The following SGK1 variants were observed in gnomAD, a reference collection of about 807,000 sequenced individuals.
The protein encoded by SGK1 is serum/glucocorticoid regulated kinase 1, also known as serine/threonine-protein kinase Sgk1.
Under a neutral mutation model 64.2 loss-of-function variants are expected in SGK1, and 26 were observed. That is an observed-to-expected ratio of 0.40 (90% CI 0.30 to 0.56). The LOEUF (loss-of-function observed/expected upper bound fraction) is 0.56, where lower values mean the gene tolerates loss of function less well. Among genes scored for constraint, SGK1 ranks in the 20% least tolerant of loss-of-function variants. The pLI is 0.38. For missense variants in SGK1, 519 were observed against 645.6 expected, an observed-to-expected ratio of 0.80 and a Z score of 2.12; for synonymous variants, 265 against 239.7, an observed-to-expected ratio of 1.11 and a Z score of -0.98.
chr6:134,228,841 CTTTTTTTTTT>C (rs754300980), intron 2 of SGK1, among the ~76,000 whole-genome samples: 6 of 129,960 alleles, frequency 4.6e-5, no homozygotes, highest in Admixed American at 4.1e-4. Flanking sequence ...TGTAGTTGTT[CTTTTTTTTTT>C]TTTTTTTTTT....
intron 3 of SGK1, among the ~76,000 whole-genome samples, chr6:134,204,217 G>T (rs1775730373): frequency 7.3e-6 from 1 of 136,060 alleles, no homozygotes. Context: ...GACCAACTAG[G>T]CAAAAAATAA....
At chr6:134,201,111 A>C (rs1289557141) in intron 3 of SGK1, among the ~76,000 whole-genome samples, 1 of 141,714 alleles carries the variant, frequency 7.1e-6, no homozygotes, top group Non-Finnish European at 1.5e-5. Flanking sequence ...CCCAGGCTGG[A>C]GTGCAGTGGC....
At chr6:134,301,777 G>A (rs1004157584) in intron 1 of SGK1, among the ~76,000 whole-genome samples, 12 of 151,844 alleles carry the variant, frequency 7.9e-5, no homozygotes, top group Non-Finnish European at 1.2e-4. Flanking sequence ...ATTATTTCCT[G>A]GAGACCTGAG....
rs565457620 is a variant in SGK1 at position 134,181,933 on chromosome 6, C to T, written c.362-7347G>A. Among the ~76,000 whole-genome samples the T allele has an allele frequency of 1.8e-3, 278 of 152,206 alleles. 1 individual carries two copies. The highest frequency in any genetic ancestry group is 6.4e-3 in the African/African-American group (267 of 41,532). ...AGTGCAGTGGCGCAATCTTGGCTTA[C>T]TGCAACCTCCGCCTCCCAGGTTCAA... On this transcript the variant is annotated intron_variant, in intron 3 of 13. Transcript: ENST00000367858.
chr6:134,267,826 C>A (rs1776876604), intron 1 of SGK1, among the ~76,000 whole-genome samples: 1 of 152,084 alleles, frequency 6.6e-6, no homozygotes, highest in South Asian at 2.1e-4. Context: ...GTGTTACTTA[C>A]AAAAATGAAT....
At chr6:134,293,360 A>G (rs895364851) in intron 1 of SGK1, among the ~76,000 whole-genome samples, 1 of 152,206 alleles carries the variant, frequency 6.6e-6, no homozygotes, top group Admixed American at 6.5e-5. Context: ...AGAGAGTTAG[A>G]TCAGTGTTTA....
At chr6:134,181,377 C>T (rs748214666) in intron 3 of SGK1, among the ~76,000 whole-genome samples, 6 of 152,130 alleles carry the variant, frequency 3.9e-5, no homozygotes, top group Non-Finnish European at 5.9e-5. Flanking sequence ...AGGAGTCTTA[C>T]TCTGTCGCCC....
chr6:134,170,989 G>C (rs775403686), intron 12 of SGK1, 34 bp downstream of exon 12: 7 of 1,608,786 alleles, frequency 4.4e-6, no homozygotes, highest in Non-Finnish European at 5.9e-6. Flanking sequence ...TGCACGTCCC[G>C]GCCGGCCCAG....
At chr6:134,177,722 G>C in intron 3 of SGK1, 1 of 1,613,960 alleles carries the variant, frequency 6.2e-7, no homozygotes, top group African/African-American at 1.3e-5. Context: ...AGGATATGCA[G>C]GTTGGGGATT....
chr6:134,310,475 C>A (rs373520986), intron 1 of SGK1, among the ~76,000 whole-genome samples: 5 of 152,370 alleles, frequency 3.3e-5, no homozygotes, highest in Admixed American at 6.5e-5. Context: ...CCGTCTTACT[C>A]ACACTCTGTG....
intron 1 of SGK1, among the ~76,000 whole-genome samples, chr6:134,285,180 T>G (rs1777162182): frequency 6.6e-6 from 1 of 152,072 alleles, no homozygotes; most frequent in African/African-American, 2.4e-5. Flanking sequence ...CCCTTTTGGC[T>G]GGGCTCGGTG....
At chr6:134,173,863 T>G in intron 5 of SGK1, 142 bp downstream of exon 5, 1 of 662,688 alleles carries the variant, frequency 1.5e-6, no homozygotes, top group South Asian at 2.0e-5. Context: ...TACTTAAATA[T>G]TTATATCACT....
chr6:134,217,588 A>G (rs912956207), intron 2 of SGK1, among the ~76,000 whole-genome samples: 1 of 152,148 alleles, frequency 6.6e-6, no homozygotes, highest in Non-Finnish European at 1.5e-5. Flanking sequence ...ATCTCACTAC[A>G]GCAAACATGC....
At chr6:134,225,516 T>C (rs756111027) in intron 2 of SGK1, among the ~76,000 whole-genome samples, 7 of 152,152 alleles carry the variant, frequency 4.6e-5, no homozygotes, top group Non-Finnish European at 1.0e-4. Context: ...TGCAATCTGC[T>C]ATTGAGGTTT....
intron 10 of SGK1, 74 bp from the exon 11 acceptor site, chr6:134,171,806 G>T: frequency 1.0e-6 from 1 of 983,516 alleles, no homozygotes; most frequent in South Asian, 1.4e-5. Flanking sequence ...CATTTAGTTT[G>T]AAAAAGCTGA....
intron 2 of SGK1, among the ~76,000 whole-genome samples, chr6:134,235,539 A>ATTTT (rs67467396): frequency 8.3e-5 from 11 of 131,782 alleles, no homozygotes; most frequent in Non-Finnish European, 1.7e-4. Flanking sequence ...AAAAATAGAT[A>ATTTT]TTTTTATTTA....
chr6:134,191,814 A>G (rs1775515596), intron 3 of SGK1, among the ~76,000 whole-genome samples: 1 of 136,922 alleles, frequency 7.3e-6, no homozygotes, highest in Non-Finnish European at 1.5e-5. Flanking sequence ...GACTACAGGC[A>G]TGCGCCACCA....
chr6:134,236,781 A>T (rs1776370994), intron 2 of SGK1, among the ~76,000 whole-genome samples: 1 of 152,204 alleles, frequency 6.6e-6, no homozygotes, highest in African/African-American at 2.4e-5. Flanking sequence ...TTTTCTTTAG[A>T]CAGACTAATT....
intron 1 of SGK1, among the ~76,000 whole-genome samples, chr6:134,282,024 T>G (rs370871595): frequency 2.6e-5 from 4 of 152,174 alleles, no homozygotes; most frequent in African/African-American, 9.7e-5. Flanking sequence ...CTAAGCCTTA[T>G]AGGAAATGTA....
Sources: gnomAD v4.1 joint callset for allele counts (sites outside exome capture counted in the v4.1 genomes callset) on GRCh38, gnomAD v4.1.1 for gene constraint, MANE v1.5 for transcripts, NCBI Gene and HGNC (gene_info 2026-07-23, HGNC 2026-07-21) for gene names.